ATXN10: variants seen among roughly 807,000 people sequenced by gnomAD.
ATXN10 encodes the protein ataxin 10.
Under a neutral mutation model 52.9 loss-of-function variants are expected in ATXN10, and 28 were observed. That is an observed-to-expected ratio of 0.53 (90% CI 0.39 to 0.73). The LOEUF (loss-of-function observed/expected upper bound fraction) is 0.73, where lower values mean the gene tolerates loss of function less well. ATXN10 is among the 30% of genes least tolerant of loss of function. ATXN10 has a pLI of 0.00. For missense variants in ATXN10, 565 were observed against 577.0 expected (o/e 0.98, Z 0.21); for synonymous variants, 226 against 221.5 (o/e 1.02, Z -0.18).
At chr22:45,813,561 G>A (rs746480574) in intron 10 of ATXN10, among the ~76,000 whole-genome samples, 2 of 151,188 alleles carry the variant, frequency 1.3e-5, no homozygotes, top group African/African-American at 2.4e-5. Context: ...TAGTTTTCCC[G>A]GTAATCCTAT....
In ATXN10 at chr22:45,708,391, A is replaced by G. The variant is rs951114683; in HGVS notation, c.647+5544A>G. On this transcript the variant is annotated intron_variant, in intron 5 of 11. Coordinates refer to ENST00000252934, the MANE Select transcript of ATXN10 (RefSeq NM_013236.4). The surrounding 1 kb of genome is among the most constrained non-coding windows in gnomAD (Gnocchi z 5.3). ...TTTGTCTGTGTAATCTCATTTTCAC[A>G]TTGCTGCCATCCTGTGAATTGTATT... Among the ~76,000 whole-genome samples the G allele has an allele frequency of 5.9e-5, 9 of 152,184 alleles. No individual in the cohort carries two copies. The highest frequency in any genetic ancestry group is 1.9e-4 in the African/African-American group (8 of 41,454).
intron 10 of ATXN10, among the ~76,000 whole-genome samples, chr22:45,821,216 T>G (rs902535490): frequency 5.3e-5 from 8 of 152,130 alleles, no homozygotes; most frequent in Admixed American, 5.2e-4. Context: ...CCTAAAGCAC[T>G]TGTAGAAACG....
rs770047303 is a variant in ATXN10, at chr22:45,790,939, C to T, written c.1174-16020C>T. On this transcript the variant is annotated intron_variant, in intron 9 of 11. Coordinates refer to ENST00000252934, the MANE Select transcript of ATXN10 (RefSeq NM_013236.4). The surrounding 1 kb of genome is among the most constrained non-coding windows in gnomAD (Gnocchi z 4.7). ...GCACAGACATAGCTTACTGTACTCT[C>T]GAACTCCTGGGCTCAACCCATCTTC... is the stretch of plus-strand genomic sequence containing the variant. Among the ~76,000 whole-genome samples, 2 of 152,180 alleles carry T rather than the reference C, an allele frequency of 1.3e-5. No homozygotes were observed. Among genetic ancestry groups the T allele is most frequent in the South Asian group, 2.1e-4 (1 of 4,826 alleles).
intron 10 of ATXN10, among the ~76,000 whole-genome samples, chr22:45,808,641 G>A (rs1420211997): frequency 6.6e-6 from 1 of 152,176 alleles, no homozygotes. Context: ...GTATGTTGTA[G>A]ATGATGAAAT....
intron 9 of ATXN10, chr22:45,760,655 C>T (rs911818211): frequency 3.9e-5 from 6 of 154,168 alleles, no homozygotes; most frequent in African/African-American, 1.4e-4. Flanking sequence ...GTGTCCTAGG[C>T]ACAGTTCTGA....
In ATXN10 at chr22:45,715,638, C is replaced by T. The variant is rs372399317; in HGVS notation, c.648-2775C>T. Among the ~76,000 whole-genome samples the T allele has an allele frequency of 3.3e-5, 5 of 152,188 alleles. No homozygotes were observed. The highest frequency in any genetic ancestry group is 7.2e-5 in the African/African-American group (3 of 41,446). On this transcript the variant is annotated intron_variant, in intron 5 of 11. Transcript: ENST00000252934. The surrounding 1 kb of genome is among the most constrained non-coding windows in gnomAD (Gnocchi z 4.4). ...CCAGGGAAGCCAAAAGATTGGACAC[C>T]GCTGATACAGATGATCTTGGTAGTA...
intron 6 of ATXN10, among the ~76,000 whole-genome samples, chr22:45,720,077 T>C (rs1924591181): frequency 6.6e-6 from 1 of 152,252 alleles, no homozygotes; most frequent in South Asian, 2.1e-4. Flanking sequence ...TATTGATTAA[T>C]GTAATCTTAT....
chr22:45,798,543 C>T (rs538802918), intron 9 of ATXN10, among the ~76,000 whole-genome samples: 1 of 152,168 alleles, frequency 6.6e-6, no homozygotes, highest in East Asian at 1.9e-4. Flanking sequence ...AAAAAGGCAT[C>T]TATGAAAAAA....
intron 9 of ATXN10, 72 bp downstream of exon 9, chr22:45,740,610 C>G (rs573598859): frequency 2.1e-5 from 32 of 1,502,110 alleles, no homozygotes; most frequent in African/African-American, 1.2e-4. Flanking sequence ...AAGACATTCA[C>G]TCTTTTGGAG....
At chr22:45,838,440 C>T (rs1929237003) in intron 10 of ATXN10, among the ~76,000 whole-genome samples, 1 of 152,194 alleles carries the variant, frequency 6.6e-6, no homozygotes, top group Non-Finnish European at 1.5e-5. Flanking sequence ...TCTTTCAAGG[C>T]AGTTTTGCAA....
intron 9 of ATXN10, among the ~76,000 whole-genome samples, chr22:45,741,420 T>A (rs529763064): frequency 6.6e-6 from 1 of 152,252 alleles, no homozygotes; most frequent in South Asian, 2.1e-4. Flanking sequence ...CGTCACTATG[T>A]AAGAAGTATA....
rs541167995 is a variant in ATXN10 at position 45,690,776 on chromosome 22, C to G, written c.308+873C>G. 6.6e-6 allele frequency among the ~76,000 whole-genome samples: 1 copy of G among 152,174 alleles called. No homozygotes were observed. Among genetic ancestry groups the G allele is most frequent in the Admixed American group, 6.5e-5 (1 of 15,282 alleles). On this transcript the variant is annotated intron_variant, in intron 2 of 11. Transcript: ENST00000252934. This position sits in a 1 kb window ranked among gnomAD's most constrained non-coding sequence, Gnocchi z 4.5. ...TGTCCAGTGCTCTTCTTTGCTTTTACGTGTTACCGTCTCCTCCCAGAACAC... is the reference window on the plus strand; with the variant it reads ...TGTCCAGTGCTCTTCTTTGCTTTTAGGTGTTACCGTCTCCTCCCAGAACAC...
intron 8 of ATXN10, 76 bp downstream of exon 8, chr22:45,738,915 C>G (rs1469782109): frequency 9.4e-6 from 12 of 1,275,140 alleles, no homozygotes; most frequent in Middle Eastern, 1.8e-4. Context: ...AATCCAAATA[C>G]AAATCCTTAA....
At chr22:45,751,787 T>G (rs1395205947) in intron 9 of ATXN10, among the ~76,000 whole-genome samples, 2 of 135,126 alleles carry the variant, frequency 1.5e-5, no homozygotes, top group East Asian at 2.0e-4. Context: ...ATAATAATAA[T>G]AAGATGGGAA....
rs1923260552 is a variant in ATXN10, at chr22:45,688,999, C to T, written c.117-713C>T. On this transcript the variant is annotated intron_variant, in intron 1 of 11. Transcript: ENST00000252934. The surrounding 1 kb of genome is among the most constrained non-coding windows in gnomAD (Gnocchi z 4.0). ...GAGAGGCACGCAGAGACTGAGATGCCCAGAGGGTACAACCACAGGTTCATC... is the reference window on the plus strand; with the variant it reads ...GAGAGGCACGCAGAGACTGAGATGCTCAGAGGGTACAACCACAGGTTCATC... 6.6e-6 allele frequency among the ~76,000 whole-genome samples: 1 copy of T among 151,940 alleles called. No individual in the cohort carries two copies. The highest frequency in any genetic ancestry group is 2.1e-4 in the South Asian group (1 of 4,782).
At chr22:45,691,634 G>C (rs907668086) in intron 2 of ATXN10, among the ~76,000 whole-genome samples, 16 of 152,210 alleles carry the variant, frequency 1.1e-4, no homozygotes, top group Non-Finnish European at 2.2e-4. Context: ...GGTGGCTCAC[G>C]CCTGTAATCC....
intron 9 of ATXN10, among the ~76,000 whole-genome samples, chr22:45,777,146 T>C (rs1488378037): frequency 6.6e-6 from 1 of 152,224 alleles, no homozygotes. Flanking sequence ...AGTGATACCT[T>C]ACTTACTGAG....
intron 9 of ATXN10, among the ~76,000 whole-genome samples, chr22:45,741,980 A>AG (rs982524168): frequency 3.3e-5 from 5 of 152,264 alleles, no homozygotes; most frequent in African/African-American, 1.2e-4. Context: ...TTGGAAAGTG[A>AG]GGGGGGAATT....
chr22:45,678,410 A>C lies in ATXN10; in HGVS notation c.116+6231A>C, dbSNP rs1922787660. 2 of 152,236 alleles carry C rather than the reference A, an allele frequency of 1.3e-5. No homozygotes were observed. Among genetic ancestry groups the C allele is most frequent in the African/African-American group, 2.4e-5 (1 of 41,454 alleles). The allele number at this position is 152,236 out of a possible 1,614,324, so 9.4% of individuals were successfully genotyped here. On this transcript the variant is annotated intron_variant, in intron 1 of 11. Coordinates refer to ENST00000252934, the MANE Select transcript of ATXN10 (RefSeq NM_013236.4). This position sits in a 1 kb window ranked among gnomAD's most constrained non-coding sequence, Gnocchi z 4.1. ...CATCCCTATTAGAATGGCTATAATG[A>C]AAATGAGTGACACTGAATTTTGGTG... is the stretch of plus-strand genomic sequence containing the variant.
Sources: allele counts gnomAD v4.1 joint callset (sites outside exome capture counted in the v4.1 genomes callset), GRCh38; gene constraint gnomAD v4.1.1; non-coding constraint Gnocchi (gnomAD v3.1); transcripts MANE v1.5; gene names NCBI Gene and HGNC (gene_info 2026-07-23, HGNC 2026-07-21).